The following PPP3CA variants were observed in gnomAD, a reference collection of about 807,000 sequenced individuals.
PPP3CA encodes the protein protein phosphatase 3 catalytic subunit alpha, also known as CAM-PRP catalytic subunit.
PPP3CA carries 14 observed loss-of-function variants against 66.5 expected under a neutral mutation model. The observed-to-expected ratio is 0.21, with a 90% CI of 0.14 to 0.33. The LOEUF is 0.33. Ranked by LOEUF, PPP3CA falls within the 10% of genes least tolerant of loss-of-function variation. PPP3CA has a pLI of 1.00. For synonymous variants in PPP3CA, 232 were observed against 226.2 expected, an observed-to-expected ratio of 1.03 and a Z score of -0.23; for missense variants, 317 against 639.5, an observed-to-expected ratio of 0.50 and a Z score of 5.44.
intron 2 of PPP3CA, among the ~76,000 whole-genome samples, chr4:101,192,892 T>C (rs997138492): frequency 2.0e-5 from 3 of 152,212 alleles, no homozygotes; most frequent in Non-Finnish European, 2.9e-5. Context: ...TAACTTTCAA[T>C]AAGTTCTCAA....
chr4:101,173,435 G>T lies in PPP3CA; in HGVS notation c.259+22481C>A, dbSNP rs537235432. 2.3e-3 allele frequency among the ~76,000 whole-genome samples: 349 copies of T among 151,912 alleles called. 3 individuals carry two copies. Among genetic ancestry groups the T allele is most frequent in the African/African-American group, 8.0e-3 (331 of 41,408 alleles). ...TTTCAAACAGCAAAGTGAAACACTA[G>T]GTCGTTTCTGCAATTATATCCAGCC... On this transcript the variant is annotated intron_variant, in intron 2 of 13. Transcript: ENST00000394854.
chr4:101,079,448 G>A (rs917967377), intron 8 of PPP3CA, among the ~76,000 whole-genome samples: 1 of 149,814 alleles, frequency 6.7e-6, no homozygotes, highest in African/African-American at 2.5e-5. Flanking sequence ...GTGCGAGCTC[G>A]GCTCACTGCA....
At chr4:101,290,086 T>G (rs1727975348) in intron 1 of PPP3CA, among the ~76,000 whole-genome samples, 1 of 152,134 alleles carries the variant, frequency 6.6e-6, no homozygotes, top group Non-Finnish European at 1.5e-5. Flanking sequence ...ACAAAAGTGA[T>G]CTACAGTTTT....
chr4:101,079,069 A>T (rs1284751906), intron 8 of PPP3CA, among the ~76,000 whole-genome samples: 1 of 152,222 alleles, frequency 6.6e-6, no homozygotes, highest in Non-Finnish European at 1.5e-5. Context: ...GTATGGCAAC[A>T]GCAAACACCA....
intron 6 of PPP3CA, among the ~76,000 whole-genome samples, chr4:101,088,315 T>C (rs1188574380): frequency 1.3e-5 from 2 of 152,114 alleles, no homozygotes; most frequent in Non-Finnish European, 2.9e-5. Context: ...GCCAGGCATG[T>C]TGGCTCACGC....
At chr4:101,288,410 C>T (rs1041226334) in intron 1 of PPP3CA, among the ~76,000 whole-genome samples, 4 of 152,038 alleles carry the variant, frequency 2.6e-5, no homozygotes, top group African/African-American at 9.7e-5. Flanking sequence ...ATTACAAATG[C>T]ATTGGAATAC....
intron 2 of PPP3CA, among the ~76,000 whole-genome samples, chr4:101,188,922 C>A (rs995462861): frequency 6.6e-6 from 1 of 152,086 alleles, no homozygotes; most frequent in Non-Finnish European, 1.5e-5. Context: ...AATAATATTA[C>A]ACTTTATATA....
At chr4:101,281,257 C>A (rs894331846) in intron 1 of PPP3CA, among the ~76,000 whole-genome samples, 1 of 152,142 alleles carries the variant, frequency 6.6e-6, no homozygotes, top group Non-Finnish European at 1.5e-5. Context: ...GTACATAATT[C>A]TTTTGGAGAG....
intron 2 of PPP3CA, among the ~76,000 whole-genome samples, chr4:101,161,330 T>C (rs540721305): frequency 9.2e-5 from 14 of 152,292 alleles, no homozygotes; most frequent in Non-Finnish European, 1.8e-4. Flanking sequence ...AACATTTTTA[T>C]TGAGTATTTG....
chr4:101,201,827 T>C (rs1281884524), intron 1 of PPP3CA, among the ~76,000 whole-genome samples: 2 of 152,240 alleles, frequency 1.3e-5, no homozygotes, highest in East Asian at 1.9e-4. Context: ...TTGTGGACAT[T>C]TGTGTATGTC....
chr4:101,340,498 G>T (rs1401638716), intron 1 of PPP3CA, among the ~76,000 whole-genome samples: 1 of 152,008 alleles, frequency 6.6e-6, no homozygotes, highest in African/African-American at 2.4e-5. Flanking sequence ...AACTGGGCTA[G>T]GTCATAAAGT....
chr4:101,113,892 A>G (rs1721757207), intron 2 of PPP3CA, among the ~76,000 whole-genome samples: 1 of 152,122 alleles, frequency 6.6e-6, no homozygotes, highest in Non-Finnish European at 1.5e-5. Flanking sequence ...TTGGTTGCTC[A>G]GGGCCCCCAA....
chr4:101,221,359 T>C (rs901598774), intron 1 of PPP3CA, among the ~76,000 whole-genome samples: 1 of 151,680 alleles, frequency 6.6e-6, no homozygotes, highest in Non-Finnish European at 1.5e-5. Flanking sequence ...AATTGCTTAG[T>C]AAAATGATAT....
intron 6 of PPP3CA, among the ~76,000 whole-genome samples, chr4:101,084,085 T>C (rs1729556389): frequency 6.6e-6 from 1 of 152,200 alleles, no homozygotes; most frequent in Admixed American, 6.5e-5. Flanking sequence ...TAAGAACTTT[T>C]AATGAAACAA....
intron 1 of PPP3CA, among the ~76,000 whole-genome samples, chr4:101,220,880 T>C (rs1725603984): frequency 6.6e-6 from 1 of 151,770 alleles, no homozygotes; most frequent in Non-Finnish European, 1.5e-5. Context: ...TTGCCTTAAA[T>C]TCCTCTTGTA....
intron 1 of PPP3CA, among the ~76,000 whole-genome samples, chr4:101,260,284 G>T (rs141666812): frequency 1.2e-3 from 181 of 152,246 alleles, no homozygotes; most frequent in Admixed American, 2.2e-3. Context: ...GTGTGTGTCT[G>T]TATACGTGCA....
At chr4:101,069,254 T>C (rs1578417885) in intron 8 of PPP3CA, among the ~76,000 whole-genome samples, 1 of 152,158 alleles carries the variant, frequency 6.6e-6, no homozygotes, top group African/African-American at 2.4e-5. Context: ...TGGATACAAA[T>C]AGTAGGTATA....
intron 1 of PPP3CA, among the ~76,000 whole-genome samples, chr4:101,242,494 T>C (rs1382540289): frequency 6.6e-6 from 1 of 151,670 alleles, no homozygotes; most frequent in Non-Finnish European, 1.5e-5. Flanking sequence ...TAAATTACTC[T>C]ATGTGCTTGA....
rs138607949 is a variant in PPP3CA, at chr4:101,213,176, T to A, written c.59-17060A>T. Among the ~76,000 whole-genome samples, 856 of 152,228 alleles carry A rather than the reference T, an allele frequency of 5.6e-3. 5 individuals carry two copies. Among genetic ancestry groups the A allele is most frequent in the Non-Finnish European group, 8.7e-3 (590 of 68,018 alleles). ...TTAATCAAAGTCATAAATATGATAGTTTTTTTAAGGAAAGGACATACTATA... is the reference window on the plus strand; with the variant it reads ...TTAATCAAAGTCATAAATATGATAGATTTTTTAAGGAAAGGACATACTATA... On this transcript the variant is annotated intron_variant, in intron 1 of 13. Coordinates refer to ENST00000394854, the MANE Select transcript of PPP3CA (RefSeq NM_000944.5).
Sources: allele counts gnomAD v4.1 joint callset (sites outside exome capture counted in the v4.1 genomes callset), GRCh38; gene constraint gnomAD v4.1.1; transcripts MANE v1.5; gene names NCBI Gene and HGNC (gene_info 2026-07-23, HGNC 2026-07-21).